SCFD2: variants seen among roughly 807,000 people sequenced by gnomAD.
SCFD2 encodes the protein sec1 family domain containing 2.
In SCFD2, 54 loss-of-function variants were observed where a neutral mutation model predicts 58.9. The observed-to-expected ratio is 0.92, with a 90% CI of 0.74 to 1.15. SCFD2 has a LOEUF of 1.15. Ranked by LOEUF, SCFD2 falls within the 50% of genes most tolerant of loss-of-function variation. SCFD2 has a pLI of 0.00. For synonymous variants in SCFD2, 321 were observed against 335.9 expected, an observed-to-expected ratio of 0.96 and a Z score of 0.49; for missense variants, 805 against 836.6, an observed-to-expected ratio of 0.96 and a Z score of 0.47.
At chr4:53,152,862 C>G (rs1293536525) in intron 4 of SCFD2, among the ~76,000 whole-genome samples, 1 of 152,190 alleles carries the variant, frequency 6.6e-6, no homozygotes, top group Non-Finnish European at 1.5e-5. Context: ...AGACCCTACA[C>G]AAGTCTAAAA....
At chr4:52,971,729 T>C (rs577805059) in intron 5 of SCFD2, among the ~76,000 whole-genome samples, 3 of 151,950 alleles carry the variant, frequency 2.0e-5, no homozygotes, top group African/African-American at 7.3e-5. Flanking sequence ...TTCACCAAAG[T>C]TGAAATGAAG....
chr4:53,279,860 A>G (rs1359418399), intron 3 of SCFD2, among the ~76,000 whole-genome samples: 1 of 152,164 alleles, frequency 6.6e-6, no homozygotes, highest in Non-Finnish European at 1.5e-5. Context: ...ACAGCCCCTT[A>G]TAAAACCATC....
At chr4:53,162,213 C>A (rs1726874253) in intron 4 of SCFD2, among the ~76,000 whole-genome samples, 2 of 151,910 alleles carry the variant, frequency 1.3e-5, no homozygotes, top group South Asian at 4.2e-4. Flanking sequence ...TCTGATCAGG[C>A]AACATAAATG....
chr4:53,069,576 G>T (rs1410914723), intron 5 of SCFD2, among the ~76,000 whole-genome samples: 1 of 151,816 alleles, frequency 6.6e-6, no homozygotes, highest in Non-Finnish European at 1.5e-5. Flanking sequence ...AGAACTCTGT[G>T]GTGGAAAAAA....
At chr4:53,243,467 T>C (rs6810608) in intron 4 of SCFD2, among the ~76,000 whole-genome samples, 108,460 of 151,912 alleles carry the variant, frequency 0.71, 38,888 homozygotes, top group Middle Eastern at 0.8. Context: ...CTTACAAGAA[T>C]ATCTGAAAAA....
At chr4:52,960,973 A>G (rs1392192352) in intron 5 of SCFD2, among the ~76,000 whole-genome samples, 1 of 152,178 alleles carries the variant, frequency 6.6e-6, no homozygotes, top group Non-Finnish European at 1.5e-5. Context: ...TGGCTACAAA[A>G]TGGCCTCCTG....
At chr4:53,217,396 T>C (rs1463454242) in intron 4 of SCFD2, among the ~76,000 whole-genome samples, 2 of 152,358 alleles carry the variant, frequency 1.3e-5, no homozygotes, top group South Asian at 4.1e-4. Context: ...TTTACCATTA[T>C]ATAATGGCCT....
At chr4:52,908,444 G>A (rs917134232) in intron 6 of SCFD2, among the ~76,000 whole-genome samples, 5 of 152,128 alleles carry the variant, frequency 3.3e-5, no homozygotes, top group African/African-American at 1.2e-4. Flanking sequence ...ACGAAGTCTG[G>A]GGCATGAAGG....
intron 5 of SCFD2, among the ~76,000 whole-genome samples, chr4:53,090,894 G>T (rs547890015): frequency 3.7e-4 from 57 of 152,224 alleles, no homozygotes; most frequent in African/African-American, 1.3e-3. Context: ...GGAGACAATT[G>T]AAGTTTACAT....
At chr4:53,065,650 T>C (rs945963175) in intron 5 of SCFD2, among the ~76,000 whole-genome samples, 2 of 152,108 alleles carry the variant, frequency 1.3e-5, no homozygotes, top group African/African-American at 4.8e-5. Flanking sequence ...TACTATTCTA[T>C]TCCGAAAGTT....
At chr4:52,890,798 C>A (rs553311264) in intron 7 of SCFD2, among the ~76,000 whole-genome samples, 1 of 152,182 alleles carries the variant, frequency 6.6e-6, no homozygotes, top group Admixed American at 6.5e-5. Flanking sequence ...TTGAGGTGTG[C>A]GCCCCTGAGA....
intron 4 of SCFD2, among the ~76,000 whole-genome samples, chr4:53,232,916 G>C (rs1265360712): frequency 6.6e-6 from 1 of 152,160 alleles, no homozygotes; most frequent in South Asian, 2.1e-4. Context: ...GCAAGGCATA[G>C]ACTTTCCAGA....
chr4:52,887,190 A>G (rs1448412626), intron 7 of SCFD2, among the ~76,000 whole-genome samples: 2 of 152,172 alleles, frequency 1.3e-5, no homozygotes, highest in African/African-American at 2.4e-5. Flanking sequence ...AGGGTATACA[A>G]AGATGAAAGA....
At chr4:53,334,642 C>T (rs1733617336) in intron 2 of SCFD2, among the ~76,000 whole-genome samples, 1 of 151,160 alleles carries the variant, frequency 6.6e-6, no homozygotes, top group South Asian at 2.1e-4. Context: ...GGGAGATATA[C>T]CTAATGCTAG....
At chr4:53,225,560 C>T (rs1212095327) in intron 4 of SCFD2, among the ~76,000 whole-genome samples, 1 of 152,164 alleles carries the variant, frequency 6.6e-6, no homozygotes, top group Non-Finnish European at 1.5e-5. Context: ...GAGTTGATAA[C>T]ACCCTATATA....
chr4:53,156,262 G>A (rs1726678955), intron 4 of SCFD2, among the ~76,000 whole-genome samples: 1 of 152,012 alleles, frequency 6.6e-6, no homozygotes, highest in South Asian at 2.1e-4. Context: ...AGCCAGGTAT[G>A]GTTGCAGGCA....
rs528386920 is a variant in SCFD2, at chr4:53,220,977, A to G, written c.1311+52849T>C. Among the ~76,000 whole-genome samples the G allele has an allele frequency of 4.2e-4, 64 of 152,372 alleles. 3 individuals carry two copies. The East Asian group carries it at 0.011, about 27-fold the overall frequency. On this transcript the variant is annotated intron_variant, in intron 4 of 8. Transcript: ENST00000401642. ...TCACCTGCATCGTGATGTTTACTTTAATCATAGAAAAAAATAGGTATTAAC... is the reference window on the plus strand; with the variant it reads ...TCACCTGCATCGTGATGTTTACTTTGATCATAGAAAAAAATAGGTATTAAC...
rs566391385 is a variant in SCFD2, at chr4:53,196,491, C to T, written c.1312-50909G>A. On this transcript the variant is annotated intron_variant, in intron 4 of 8. Coordinates refer to ENST00000401642, the MANE Select transcript of SCFD2 (RefSeq NM_152540.4). ...TAAAGCAGATTCTTGTTATAAACTG[C>T]CTGTTTCCGTTTTGCCTGCCTAAGC... Among the ~76,000 whole-genome samples, 18 of 152,226 alleles carry T rather than the reference C, an allele frequency of 1.2e-4. No individual in the cohort carries two copies. The South Asian group carries it at 3.5e-3, about 30-fold the overall frequency.
At chr4:53,299,965 GAAC>G (rs1732211619) in intron 3 of SCFD2, among the ~76,000 whole-genome samples, 1 of 152,040 alleles carries the variant, frequency 6.6e-6, no homozygotes, top group Non-Finnish European at 1.5e-5. Context: ...ACATGGAAAG[GAAC>G]AACTGGTACC....
Sources: gnomAD v4.1 joint callset for allele counts (sites outside exome capture counted in the v4.1 genomes callset) on GRCh38, gnomAD v4.1.1 for gene constraint, MANE v1.5 for transcripts, NCBI Gene and HGNC (gene_info 2026-07-23, HGNC 2026-07-21) for gene names.